Variants in MYOM3 observed in about 807,000 individuals in gnomAD.
The protein encoded by MYOM3 is myomesin-3.
In MYOM3, 155 loss-of-function variants were observed where a neutral mutation model predicts 191.7. The observed-to-expected ratio is 0.81, with a 90% CI of 0.71 to 0.92. MYOM3 has a LOEUF of 0.92. MYOM3 is among the 40% of genes least tolerant of loss of function. The pLI is 0.00. For synonymous variants in MYOM3, 757 were observed against 762.9 expected (o/e 0.99, Z 0.13); for missense variants, 1,889 against 1,890.6 (o/e 1.00, Z 0.02).
At chr1:24,058,264 T>C (rs1208575735) in intron 36 of MYOM3, among the ~76,000 whole-genome samples, 1 of 152,208 alleles carries the variant, frequency 6.6e-6, no homozygotes, top group Admixed American at 6.6e-5. Flanking sequence ...TATATAGATT[T>C]AGTGCATAGG....
chr1:24,092,095 G>A, intron 11 of MYOM3, 79 bp downstream of exon 11: 1 of 1,310,796 alleles, frequency 7.6e-7, no homozygotes, highest in Non-Finnish European at 1.0e-6. Context: ...TCAGACATGG[G>A]GCCTCCTCTT....
intron 18 of MYOM3, 76 bp downstream of exon 18, chr1:24,081,925 T>C: frequency 7.1e-7 from 1 of 1,415,276 alleles, no homozygotes. Context: ...TCTGTCAGAC[T>C]CCAAGACTCA....
chr1:24,056,777 C>A lies in MYOM3; in HGVS notation c.*587G>T, dbSNP rs1643306681. On this transcript the variant is annotated 3_prime_UTR_variant, in exon 37 of 37. Coordinates refer to ENST00000374434, the MANE Select transcript of MYOM3 (RefSeq NM_152372.4). ...CTTGGACCTGCTTTATAATCTTTAT[C>A]ATGTCCTGCCTTGTCCTGGAGTTGT... 1 of 152,564 alleles carries A rather than the reference C, an allele frequency of 6.6e-6. No homozygotes were observed. The highest frequency in any genetic ancestry group is 2.4e-5 in the African/African-American group (1 of 41,454). The allele number at this position is 152,564 out of a possible 1,614,324, so 9.5% of individuals were successfully genotyped here.
rs373713417 is a variant in MYOM3 at position 24,084,451 on chromosome 1, C to G, written c.1970+17G>C. On this transcript the variant is annotated intron_variant, in intron 16 of 36. Transcript: ENST00000374434. ...ATAGCAGTGTGAGAACAGACTGATACGGGTGGGCAGACGTACCTGGTGCCT... is the reference window on the plus strand; with the variant it reads ...ATAGCAGTGTGAGAACAGACTGATAGGGGTGGGCAGACGTACCTGGTGCCT... 5 of 1,613,538 alleles carry G rather than the reference C, an allele frequency of 3.1e-6. No individual in the cohort carries two copies. The highest frequency in any genetic ancestry group is 3.3e-5 in the Admixed American group (2 of 60,004).
At chr1:24,077,524 AG>A (rs1338156627) in intron 20 of MYOM3, among the ~76,000 whole-genome samples, 3 of 152,120 alleles carry the variant, frequency 2.0e-5, no homozygotes, top group East Asian at 3.9e-4. Context: ...ACTCCAGTGT[AG>A]CCTGTGCTTC....
intron 29 of MYOM3, chr1:24,064,388 G>A (rs954061490): frequency 9.7e-6 from 5 of 515,020 alleles, no homozygotes; most frequent in African/African-American, 3.9e-5. Flanking sequence ...TCTGGGCCTG[G>A]GGAAGGGGTG....
intron 29 of MYOM3, 163 bp downstream of exon 29, chr1:24,065,728 T>C (rs1643425805): frequency 1.5e-6 from 1 of 686,268 alleles, no homozygotes; most frequent in Non-Finnish European, 2.7e-6. Context: ...ATATTATTTA[T>C]CTTGATTACT....
intron 12 of MYOM3, 86 bp from the exon 13 acceptor site, chr1:24,090,204 T>A: frequency 9.0e-7 from 1 of 1,110,364 alleles, no homozygotes; most frequent in Non-Finnish European, 1.4e-6. Flanking sequence ...GTCTGCGTCC[T>A]GCCCCGTCCC....
At chr1:24,059,742 T>A (rs1048609149) in intron 35 of MYOM3, among the ~76,000 whole-genome samples, 1 of 152,236 alleles carries the variant, frequency 6.6e-6, no homozygotes, top group Admixed American at 6.5e-5. Context: ...GCGAGGGACC[T>A]GGTGGCCATT....
chr1:24,085,181 AATGGATGGATGG>A (rs554945831), intron 15 of MYOM3, among the ~76,000 whole-genome samples: 2 of 136,130 alleles, frequency 1.5e-5, no homozygotes, highest in African/African-American at 5.6e-5. Flanking sequence ...TGGATGAATA[AATGGATGGATGG>A]ATGGATGGAT....
At position 24,112,101 on chromosome 1, in the gene MYOM3, C is replaced by T. The variant is rs1252055042; in HGVS notation, c.-89G>A. On this transcript the variant is annotated 5_prime_UTR_variant, in exon 1 of 37. Coordinates refer to ENST00000374434, the MANE Select transcript of MYOM3 (RefSeq NM_152372.4). Reference sequence around the variant, plus strand: ...AGGCCGAGAGGGTCCTTGTTCTCTTCTTGCCCTCGGCTCAGCGGGCACCGG... The same window carrying T: ...AGGCCGAGAGGGTCCTTGTTCTCTTTTTGCCCTCGGCTCAGCGGGCACCGG... 2.6e-5 allele frequency: 4 copies of T among 152,244 alleles called. No individual in the cohort carries two copies. In the East Asian group the frequency reaches 5.8e-4, roughly 22 times the overall value. 9.4% of individuals were successfully genotyped at this position (152,244 alleles called of 1,614,324 possible). A position where few individuals can be genotyped will look rare whatever the true frequency, so the allele number is the denominator to read the frequency against.
rs1406553748 is a variant in MYOM3 at position 24,107,334 on chromosome 1, A to G, written c.243-102T>C. Reference sequence around the variant, plus strand: ...TGCCCAGCAGTGCCAGGATGCTTTAAACTTTTGGAGGACATGCATGATTTT... The same window carrying G: ...TGCCCAGCAGTGCCAGGATGCTTTAGACTTTTGGAGGACATGCATGATTTT... On this transcript the variant is annotated intron_variant, in intron 3 of 36. Transcript: ENST00000374434. The G allele has an allele frequency of 9.9e-6, 11 of 1,112,768 alleles. No homozygotes were observed. The Admixed American group carries it at 2.7e-4, about 27-fold the overall frequency. 68.9% of individuals were successfully genotyped at this position (1,112,768 alleles called of 1,614,324 possible). A position where few individuals can be genotyped will look rare whatever the true frequency, so the allele number is the denominator to read the frequency against.
At chr1:24,058,901 T>G (rs774121209) in intron 36 of MYOM3, 23 bp downstream of exon 36, 96 of 1,585,186 alleles carry the variant, frequency 6.1e-5, no homozygotes, top group Non-Finnish European at 8.0e-5. Context: ...GACTGCTGGC[T>G]GTGGGCTGGG....
intron 36 of MYOM3, 32 bp downstream of exon 36, chr1:24,058,892 A>T: frequency 6.5e-7 from 1 of 1,535,248 alleles, no homozygotes; most frequent in Non-Finnish European, 9.0e-7. Flanking sequence ...ACAGAGGGGG[A>T]CTGCTGGCTG....
rs114613201 is a variant in MYOM3 at position 24,081,257 on chromosome 1, C to G, written c.2407+73G>C. The G allele has an allele frequency of 4.1e-4, 644 of 1,586,412 alleles. 1 individual carries two copies. The African/African-American group carries it at 7.5e-3, about 19-fold the overall frequency. On this transcript the variant is annotated intron_variant, in intron 19 of 36. Transcript: ENST00000374434. Reference sequence around the variant, plus strand: ...CTGAATGCATAGAGGAGAGCGGCAACCTTCATCTCATTGGGTAGGTTTGGG... The same window carrying G: ...CTGAATGCATAGAGGAGAGCGGCAAGCTTCATCTCATTGGGTAGGTTTGGG...
At chr1:24,085,360 G>A (rs1345960354) in intron 15 of MYOM3, among the ~76,000 whole-genome samples, 1 of 152,170 alleles carries the variant, frequency 6.6e-6, no homozygotes, top group Non-Finnish European at 1.5e-5. Flanking sequence ...ATAGATGGAT[G>A]GATAGATGGA....
chr1:24,068,179 A>AGGGCGGGGCAGGGCT, intron 26 of MYOM3, 44 bp downstream of exon 26: 3 of 976,738 alleles, frequency 3.1e-6, no homozygotes, highest in Non-Finnish European at 4.1e-6. Flanking sequence ...TGTGCGGGGC[A>AGGGCGGGGCAGGGCT]GGGCGGGGCA....
intron 33 of MYOM3, 111 bp downstream of exon 33, chr1:24,061,834 CT>C (rs1643373071): frequency 8.4e-7 from 1 of 1,186,594 alleles, no homozygotes; most frequent in South Asian, 1.4e-5. Context: ...TCAAGCGATC[CT>C]CCCACTTCAG....
chr1:24,057,641 C>T lies in MYOM3; in HGVS notation c.4051-14G>A, dbSNP rs1643319569. The T allele has an allele frequency of 6.2e-7, 1 of 1,611,976 alleles. No individual in the cohort carries two copies. Among genetic ancestry groups the T allele is most frequent in the Admixed American group, 1.7e-5 (1 of 59,972 alleles). Reference sequence around the variant, plus strand: ...CAAGCACAGGGTCTGTTTGAAAAGACAGGAAGGGAACAGTCTCACCTCCTT... The same window carrying T: ...CAAGCACAGGGTCTGTTTGAAAAGATAGGAAGGGAACAGTCTCACCTCCTT... On this transcript the variant is annotated splice_polypyrimidine_tract_variant and intron_variant, in intron 36 of 36. Coordinates refer to ENST00000374434, the MANE Select transcript of MYOM3 (RefSeq NM_152372.4).
Sources: gnomAD v4.1 joint callset for allele counts (sites outside exome capture counted in the v4.1 genomes callset) on GRCh38, gnomAD v4.1.1 for gene constraint, MANE v1.5 for transcripts, NCBI Gene and HGNC (gene_info 2026-07-23, HGNC 2026-07-21) for gene names.